The following RELN variants were observed in gnomAD, a reference collection of about 807,000 sequenced individuals.
RELN encodes the protein reelin.
RELN carries 108 observed loss-of-function variants against 427.6 expected under a neutral mutation model. That is an observed-to-expected ratio of 0.25 (90% CI 0.22 to 0.30). The LOEUF is 0.30. RELN is among the 10% of genes least tolerant of loss of function. The pLI is 1.00. For missense variants in RELN, 3,715 were observed against 4,302.8 expected (o/e 0.86, Z 3.82); for synonymous variants, 1,524 against 1,513.4 (o/e 1.01, Z -0.16).
chr7:103,520,528 G>A (rs866340851), intron 48 of RELN, among the ~76,000 whole-genome samples: 2 of 152,026 alleles, frequency 1.3e-5, no homozygotes, highest in African/African-American at 2.4e-5. Context: ...TGCCCACCTC[G>A]GCCTCCCAAA....
intron 1 of RELN, among the ~76,000 whole-genome samples, chr7:103,922,379 T>C (rs1378134946): frequency 6.6e-6 from 1 of 152,152 alleles, no homozygotes; most frequent in Non-Finnish European, 1.5e-5. Flanking sequence ...ACCAAATTAA[T>C]CTTCTGATAA....
At chr7:103,716,045 T>C (rs1312926743) in intron 8 of RELN, among the ~76,000 whole-genome samples, 1 of 152,168 alleles carries the variant, frequency 6.6e-6, no homozygotes, top group African/African-American at 2.4e-5. Flanking sequence ...AGTATCATTG[T>C]TGCTGTCTGG....
intron 28 of RELN, among the ~76,000 whole-genome samples, chr7:103,587,931 G>A (rs996147128): frequency 1.3e-5 from 2 of 152,194 alleles, no homozygotes; most frequent in African/African-American, 4.8e-5. Flanking sequence ...CTTATATACT[G>A]TTGGTGGGAA....
chr7:103,989,111 G>A lies in RELN; in HGVS notation c.226+20C>T, dbSNP rs758671349. 1 of 1,608,364 alleles carries A rather than the reference G, an allele frequency of 6.2e-7. No homozygotes were observed. The highest frequency in any genetic ancestry group is 8.5e-7 in the Non-Finnish European group (1 of 1,175,596). On this transcript the variant is annotated intron_variant, in intron 1 of 64. Coordinates refer to ENST00000428762, the MANE Select transcript of RELN (RefSeq NM_005045.4). This position sits in a 1 kb window ranked among gnomAD's most constrained non-coding sequence, Gnocchi z 4.9. ...GGGCGCACCCGGCGGCGGCGAGCGCGGAGGTGCTGCGGTACCTACCATGGT... is the reference window on the plus strand; with the variant it reads ...GGGCGCACCCGGCGGCGGCGAGCGCAGAGGTGCTGCGGTACCTACCATGGT...
chr7:103,855,127 T>C (rs191819618), intron 2 of RELN, among the ~76,000 whole-genome samples: 8 of 152,374 alleles, frequency 5.3e-5, no homozygotes, highest in African/African-American at 1.9e-4. Context: ...GACTCTATTA[T>C]AGCAGCATTT....
At chr7:103,496,444 T>G in intron 56 of RELN, 82 bp downstream of exon 56, 1 of 1,576,828 alleles carries the variant, frequency 6.3e-7, no homozygotes, top group East Asian at 2.2e-5. Context: ...TTATAAATGC[T>G]TTTCATGTGC....
intron 8 of RELN, among the ~76,000 whole-genome samples, chr7:103,711,865 C>T (rs1242773144): frequency 3.9e-5 from 6 of 151,924 alleles, no homozygotes; most frequent in Non-Finnish European, 2.9e-5. Context: ...CACCATGTTG[C>T]CCAGGATCGT....
At chr7:103,813,931 T>C (rs1373019178) in intron 3 of RELN, among the ~76,000 whole-genome samples, 1 of 152,086 alleles carries the variant, frequency 6.6e-6, no homozygotes, top group African/African-American at 2.4e-5. Flanking sequence ...TACCTATTAA[T>C]CAATTTATTA....
In RELN at chr7:103,989,342, G is replaced by A. The variant is rs1455461778; in HGVS notation, c.15C>T (p.Gly5=). Residue 5 remains glycine, a synonymous_variant, in exon 1 of 65, where the codon GGC becomes GGT. Transcript: ENST00000428762. This position sits in a 1 kb window ranked among gnomAD's most constrained non-coding sequence, Gnocchi z 4.9. ...CTAGGAGGAAAGTCTGCCGGGCCCA[G>A]CCACTGCGCTCCATGCCGCCGCCGC... MERS[G]WARQTFLLAL... 2 of 1,545,202 alleles carry A rather than the reference G, an allele frequency of 1.3e-6. No individual in the cohort carries two copies. Among genetic ancestry groups the A allele is most frequent in the South Asian group, 1.2e-5 (1 of 83,114 alleles).
chr7:103,926,537 G>A (rs1409577389), intron 1 of RELN, among the ~76,000 whole-genome samples: 1 of 147,344 alleles, frequency 6.8e-6, no homozygotes. Flanking sequence ...TACATCTGTT[G>A]TTTGTAAAAT....
intron 31 of RELN, 122 bp downstream of exon 31, chr7:103,572,062 G>A: frequency 1.4e-6 from 1 of 707,710 alleles, no homozygotes; most frequent in Non-Finnish European, 2.6e-6. Flanking sequence ...CAAAGCAGAA[G>A]AGAAGAGAAG....
chr7:103,712,632 A>C (rs749777552), intron 8 of RELN, among the ~76,000 whole-genome samples: 1 of 152,232 alleles, frequency 6.6e-6, no homozygotes, highest in Non-Finnish European at 1.5e-5. Flanking sequence ...AGAAATAATG[A>C]TCATAAATAG....
chr7:103,558,151 A>G (rs1659300156), intron 36 of RELN, 102 bp from the exon 37 acceptor site: 1 of 677,288 alleles, frequency 1.5e-6, no homozygotes, highest in African/African-American at 1.8e-5. Flanking sequence ...TAATAAATAC[A>G]TATCATGATC....
At chr7:103,519,749 A>T in intron 48 of RELN, among the ~76,000 whole-genome samples, 1 of 151,862 alleles carries the variant, frequency 6.6e-6, no homozygotes, top group East Asian at 1.9e-4. Context: ...TGTCTAGCTA[A>T]TTTTTTGTAG....
At chr7:103,785,990 T>C (rs1203318749) in intron 3 of RELN, among the ~76,000 whole-genome samples, 1 of 152,026 alleles carries the variant, frequency 6.6e-6, no homozygotes, top group African/African-American at 2.4e-5. Context: ...CAATAAGGGA[T>C]ATGATTTCTA....
intron 1 of RELN, among the ~76,000 whole-genome samples, chr7:103,986,461 C>G (rs1205054219): frequency 4.0e-5 from 6 of 151,830 alleles, no homozygotes; most frequent in Admixed American, 3.9e-4. Flanking sequence ...CATACAGGGA[C>G]CTATAATTGT....
intron 3 of RELN, among the ~76,000 whole-genome samples, chr7:103,777,594 C>T (rs1366159249): frequency 6.6e-6 from 1 of 152,120 alleles, no homozygotes; most frequent in Non-Finnish European, 1.5e-5. Flanking sequence ...TATGTATTCC[C>T]CCTTGATATG....
intron 19 of RELN, 134 bp downstream of exon 19, chr7:103,635,291 T>G: frequency 1.1e-6 from 1 of 929,118 alleles, no homozygotes; most frequent in Non-Finnish European, 1.6e-6. Flanking sequence ...AGTTTTTCAC[T>G]GCAAGACACA....
chr7:103,645,937 T>G (rs1584372931), intron 16 of RELN, among the ~76,000 whole-genome samples: 1 of 151,818 alleles, frequency 6.6e-6, no homozygotes, highest in African/African-American at 2.4e-5. Context: ...AAATACCTTC[T>G]CAAATGACAG....
Sources: gnomAD v4.1 joint callset for allele counts (sites outside exome capture counted in the v4.1 genomes callset) on GRCh38, gnomAD v4.1.1 for gene constraint, Gnocchi (gnomAD v3.1) non-coding constraint, MANE v1.5 for transcripts, NCBI Gene and HGNC (gene_info 2026-07-23, HGNC 2026-07-21) for gene names.